The following GPR161 variants were observed in gnomAD, a reference collection of about 807,000 sequenced individuals.
The protein encoded by GPR161 is G protein-coupled receptor 161, also known as G-protein coupled receptor RE2.
Under a neutral mutation model 39.2 loss-of-function variants are expected in GPR161, and 25 were observed. The ratio of observed to expected loss-of-function variants is 0.64; its 90% CI spans 0.47 to 0.89. The LOEUF (loss-of-function observed/expected upper bound fraction) is 0.89, where lower values mean the gene tolerates loss of function less well. GPR161 is among the 40% of genes least tolerant of loss of function. The probability of loss-of-function intolerance (pLI) is 0.00; values close to 1 mark genes in which losing one functional copy is unlikely to be tolerated. For missense variants in GPR161, 547 were observed against 677.8 expected (o/e 0.81, Z 2.14); for synonymous variants, 286 against 276.6 (o/e 1.03, Z -0.34).
rs1317439440 is a variant in GPR161 at position 168,110,567 on chromosome 1, GAAAAGAAAAGAAAAGAAAAGAAAAGA to G, written c.-44-5699_-44-5674del. Reference sequence around the variant, plus strand: ...GAAAAGAAAAGAAAAGAAAAGAAAAGAAAAGAAAAGAAAAGAAAAGAAAAGAAAAGAGACAATAAAACCAATACAAG... The same window carrying G: ...GAAAAGAAAAGAAAAGAAAAGAAAAGAAAGAGACAATAAAACCAATACAAG... On this transcript the variant is annotated intron_variant, in intron 1 of 5. Transcript: ENST00000682931. Among the ~76,000 whole-genome samples, 983 of 116,458 alleles carry G rather than the reference GAAAAGAAAAGAAAAGAAAAGAAAAGA, an allele frequency of 8.4e-3. 97 individuals carry two copies. The highest frequency in any genetic ancestry group is 0.031 in the African/African-American group (897 of 28,744). 76.4% of individuals were successfully genotyped at this position (116,458 alleles called of 152,430 possible). A position where few individuals can be genotyped will look rare whatever the true frequency, so the allele number is the denominator to read the frequency against.
rs1276885207 is a variant in GPR161 at position 168,081,528 on chromosome 1, CCAGA to C, written c.*3999_*4002del. ...CTTTCCAAGTATTTCCTCATAGAAT[CCAGA>C]CAGTCACCCTGTGACGGAGGACTCC... On this transcript the variant is annotated 3_prime_UTR_variant, in exon 6 of 6. Coordinates refer to ENST00000682931, the MANE Select transcript of GPR161 (RefSeq NM_001375883.1). 2.6e-5 allele frequency: 4 copies of C among 152,216 alleles called. No homozygotes were observed. The highest frequency in any genetic ancestry group is 7.2e-5 in the African/African-American group (3 of 41,458). 9.4% of individuals were successfully genotyped at this position (152,216 alleles called of 1,614,324 possible).
At chr1:168,108,040 G>A (rs1415583131) in intron 1 of GPR161, among the ~76,000 whole-genome samples, 1 of 152,162 alleles carries the variant, frequency 6.6e-6, no homozygotes, top group African/African-American at 2.4e-5. Context: ...TCATGGTTCT[G>A]CAGGCTGTAC....
At chr1:168,122,573 G>A (rs990937205) in intron 1 of GPR161, among the ~76,000 whole-genome samples, 1 of 152,074 alleles carries the variant, frequency 6.6e-6, no homozygotes, top group African/African-American at 2.4e-5. Flanking sequence ...CCAGGGCCTG[G>A]CTCTCCATTA....
rs758866074 is a variant in GPR161 at position 168,085,649 on chromosome 1, G to T, written c.1472C>A (p.Ala491Glu). The T allele has an allele frequency of 1.9e-6, 3 of 1,614,090 alleles. No homozygotes were observed. Among genetic ancestry groups the T allele is most frequent in the African/African-American group, 2.7e-5 (2 of 74,946 alleles). The change falls in exon 6 of 6, where the codon GCA becomes GAA. Residue 491 changes from alanine (A) to glutamate (E), a missense_variant. Physicochemically the swap from Ala to Glu is moderately radical, Grantham distance 107 (BLOSUM62 -1). Transcript: ENST00000682931. ...EEALPGVLVTARTVPGGGFGG... is the reference protein window; with the variant it reads ...EEALPGVLVTERTVPGGGFGG... ...GAAGCCGCCCCCCGGGACAGTCCGT[G>T]CTGTAACCAAGACCCCTGGCAAAGC...
chr1:168,129,780 C>G (rs894310275), intron 1 of GPR161, among the ~76,000 whole-genome samples: 1 of 152,200 alleles, frequency 6.6e-6, no homozygotes, highest in Non-Finnish European at 1.5e-5. Context: ...GCACAAATTT[C>G]CTGACTGCCA....
At chr1:168,088,970 T>C (rs746861736) in intron 4 of GPR161, 10 of 152,314 alleles carry the variant, frequency 6.6e-5, no homozygotes, top group Non-Finnish European at 1.3e-4. Context: ...CTCGACACAT[T>C]CATCATCTTT....
chr1:168,084,944 G>A lies in GPR161; in HGVS notation c.*587C>T, dbSNP rs115242793. Reference sequence around the variant, plus strand: ...TAGCACCAGCAGGTGGCGCCACTGAGGACCGCTCCGAAGCGCTCTGCTCCT... The same window carrying A: ...TAGCACCAGCAGGTGGCGCCACTGAAGACCGCTCCGAAGCGCTCTGCTCCT... On this transcript the variant is annotated 3_prime_UTR_variant, in exon 6 of 6. Coordinates refer to ENST00000682931, the MANE Select transcript of GPR161 (RefSeq NM_001375883.1). 4.6e-3 allele frequency: 2,119 copies of A among 456,286 alleles called. 43 individuals are homozygous for A. The highest frequency in any genetic ancestry group is 0.038 in the African/African-American group (1,887 of 50,180). The allele number at this position is 456,286 out of a possible 1,614,324, so 28.3% of individuals were successfully genotyped here.
intron 2 of GPR161, among the ~76,000 whole-genome samples, chr1:168,102,958 C>T (rs577389597): frequency 2.6e-5 from 4 of 151,862 alleles, no homozygotes; most frequent in Non-Finnish European, 4.4e-5. Flanking sequence ...TGACAAACAG[C>T]TGCTGAAATA....
chr1:168,088,376 G>A (rs1257659272), intron 4 of GPR161: 1 of 152,228 alleles, frequency 6.6e-6, no homozygotes, highest in African/African-American at 2.4e-5. Flanking sequence ...CCCGTTCTTA[G>A]CTTCCAGCTT....
intron 1 of GPR161, among the ~76,000 whole-genome samples, chr1:168,119,107 G>A (rs1436450980): frequency 6.7e-6 from 1 of 150,252 alleles, no homozygotes; most frequent in Non-Finnish European, 1.5e-5. Context: ...AGAACTGAAA[G>A]CAAGGTCTCA....
At chr1:168,133,117 A>G (rs1699123188) in intron 1 of GPR161, among the ~76,000 whole-genome samples, 1 of 152,244 alleles carries the variant, frequency 6.6e-6, no homozygotes, top group Non-Finnish European at 1.5e-5. Flanking sequence ...TGGTAAAATT[A>G]GTTATACCCA....
At chr1:168,104,384 A>C in intron 2 of GPR161, 93 bp downstream of exon 2, 1 of 1,042,442 alleles carries the variant, frequency 9.6e-7, no homozygotes, top group Non-Finnish European at 1.4e-6. Context: ...GGCCCCTGAC[A>C]CTCTCCAGGG....
chr1:168,100,837 G>A (rs192812849), intron 2 of GPR161, among the ~76,000 whole-genome samples: 2 of 152,318 alleles, frequency 1.3e-5, no homozygotes, highest in African/African-American at 4.8e-5. Context: ...ATGAAAATAT[G>A]AGAACTATTT....
At chr1:168,106,408 C>T (rs962180331) in intron 1 of GPR161, among the ~76,000 whole-genome samples, 2 of 152,156 alleles carry the variant, frequency 1.3e-5, no homozygotes, top group East Asian at 1.9e-4. Context: ...GGCAACGTGG[C>T]GAAACTGTCT....
chr1:168,088,396 A>G (rs1304733747), intron 4 of GPR161: 1 of 152,226 alleles, frequency 6.6e-6, no homozygotes, highest in African/African-American at 2.4e-5. Context: ...TTCAATCCAT[A>G]AAGGCCTTGA....
intron 1 of GPR161, chr1:168,136,234 C>T (rs187297370): frequency 6.9e-6 from 9 of 1,308,204 alleles, no homozygotes; most frequent in Non-Finnish European, 8.8e-6. Flanking sequence ...GCCCTGAGTC[C>T]CGGCTGGGAG....
rs367867487 is a variant in GPR161, at chr1:168,085,012, C to A, written c.*519G>T. On this transcript the variant is annotated 3_prime_UTR_variant, in exon 6 of 6. Transcript: ENST00000682931. ...ACCAGTCCTAGAACTGAGGGTCCCA[C>A]ACTGCCCGCATCAACCATGTAGAGG... The A allele has an allele frequency of 4.4e-6, 2 of 456,230 alleles. No individual in the cohort carries two copies. Among genetic ancestry groups the A allele is most frequent in the Non-Finnish European group, 8.8e-6 (2 of 227,060 alleles). The allele number at this position is 456,230 out of a possible 1,614,324, so 28.3% of individuals were successfully genotyped here.
rs145646926 is a variant in GPR161, at chr1:168,099,826, G to GT, written c.375-2595dup. 5.7e-3 allele frequency among the ~76,000 whole-genome samples: 549 copies of GT among 96,918 alleles called. 17 individuals carry two copies. Among genetic ancestry groups the GT allele is most frequent in the African/African-American group, 0.021 (485 of 23,242 alleles). The allele number at this position is 96,918 out of a possible 152,430, so 63.6% of individuals were successfully genotyped here. Reference sequence around the variant, plus strand: ...CCTCCAGGGATTATTTTGTTTTTAAGTTTTTTTTTTGGGGGGGGGGGGTTG... The same window carrying GT: ...CCTCCAGGGATTATTTTGTTTTTAAGTTTTTTTTTTTGGGGGGGGGGGGTTG... On this transcript the variant is annotated intron_variant, in intron 2 of 5. Coordinates refer to ENST00000682931, the MANE Select transcript of GPR161 (RefSeq NM_001375883.1).
intron 5 of GPR161, among the ~76,000 whole-genome samples, chr1:168,087,039 G>A (rs1254681048): frequency 2.0e-5 from 3 of 152,174 alleles, no homozygotes; most frequent in Non-Finnish European, 2.9e-5. Context: ...GATGGGAAAC[G>A]AATTCCAAGT....
Sources: allele counts gnomAD v4.1 joint callset (sites outside exome capture counted in the v4.1 genomes callset), GRCh38; gene constraint gnomAD v4.1.1; transcripts MANE v1.5; gene names NCBI Gene and HGNC (gene_info 2026-07-23, HGNC 2026-07-21).